Variants in LONP1 observed in about 807,000 individuals in gnomAD.
LONP1 encodes lon peptidase 1, mitochondrial, also known as lon protease homolog, mitochondrial.
A neutral mutation model predicts 98.5 loss-of-function variants in LONP1; 31 were observed. The ratio of observed to expected loss-of-function variants is 0.31; its 90% CI spans 0.24 to 0.42. The LOEUF (loss-of-function observed/expected upper bound fraction) is 0.42, where lower values mean the gene tolerates loss of function less well. Among genes scored for constraint, LONP1 ranks in the 20% least tolerant of loss-of-function variants. The pLI is 1.00. For missense variants in LONP1, 1,336 were observed against 1,350.6 expected, an observed-to-expected ratio of 0.99 and a Z score of 0.17; for synonymous variants, 781 against 594.7, an observed-to-expected ratio of 1.31 and a Z score of -4.56.
chr19:5,714,539 A>G (rs1041792150), intron 1 of LONP1, among the ~76,000 whole-genome samples: 2 of 150,702 alleles, frequency 1.3e-5, no homozygotes. Flanking sequence ...TCCTGACCTC[A>G]GGTGATCCAC....
chr19:5,693,898 G>C, intron 15 of LONP1, 129 bp from the exon 16 acceptor site: 2 of 762,536 alleles, frequency 2.6e-6, no homozygotes, highest in South Asian at 1.7e-5. Flanking sequence ...GCAGGGGTTG[G>C]TGTCCCATCG....
rs529669635 is a variant in LONP1, at chr19:5,716,577, GA to G, written c.430-2307del. On this transcript the variant is annotated intron_variant, in intron 1 of 17. Transcript: ENST00000360614. ...ATAATTTTTTTTTTTTCTGTTCCCA[GA>G]AAAAAAAAAGTCAGTAACATCTGAC... 1.5e-4 allele frequency among the ~76,000 whole-genome samples: 21 copies of G among 140,938 alleles called. No homozygotes were observed. The South Asian group carries it at 2.0e-3, about 13-fold the overall frequency. The allele number at this position is 140,938 out of a possible 152,430, so 92.5% of individuals were successfully genotyped here. A position where few individuals can be genotyped will look rare whatever the true frequency, so the allele number is the denominator to read the frequency against.
intron 13 of LONP1, 120 bp from the exon 14 acceptor site, chr19:5,695,021 G>C: frequency 8.1e-7 from 1 of 1,234,092 alleles, no homozygotes; most frequent in East Asian, 2.5e-5. Flanking sequence ...CGAGGTCCCT[G>C]ATGGTGAAAC....
intron 3 of LONP1, 145 bp downstream of exon 3, chr19:5,712,988 AC>A: frequency 9.2e-7 from 1 of 1,092,358 alleles, no homozygotes. Context: ...TCTCACTCTC[AC>A]CCCCAGCTCT....
chr19:5,693,776 CAG>C lies in LONP1; in HGVS notation c.2321-9_2321-8del. ...ACAAACAGCGTGGAGCCTCCTGAAA[CAG>C]GTGTGGAGCTGTGAACACGGGAGGC... On this transcript the variant is annotated splice_polypyrimidine_tract_variant and splice_region_variant and intron_variant, in intron 15 of 17. Transcript: ENST00000360614. 1 of 1,612,270 alleles carries C rather than the reference CAG, an allele frequency of 6.2e-7. No homozygotes were observed. The highest frequency in any genetic ancestry group is 1.3e-5 in the African/African-American group (1 of 74,990).
Position 5,694,683 on chromosome 19 carries a change from G to A in LONP1, c.2154+78C>T, listed in dbSNP as rs557728713. 14 of 1,568,490 alleles carry A rather than the reference G, an allele frequency of 8.9e-6. No homozygotes were observed. The South Asian group carries it at 1.0e-4, about 12-fold the overall frequency. ...GATGGGCGCAGGAAAGTGGGATGAT[G>A]GGCATGGAAAGGTGGGGTGATCAGC... On this transcript the variant is annotated intron_variant, in intron 14 of 17. Transcript: ENST00000360614.
chr19:5,702,212 A>C (rs1660338795), intron 8 of LONP1, among the ~76,000 whole-genome samples: 1 of 146,186 alleles, frequency 6.8e-6, no homozygotes, highest in Admixed American at 6.8e-5. Context: ...AGTGGGGGTC[A>C]GCCCCCCGCC....
Position 5,700,728 on chromosome 19 carries a change from CAA to C in LONP1, c.1506+59_1506+60del. 3.7e-6 allele frequency: 6 copies of C among 1,601,134 alleles called. No individual in the cohort carries two copies. In the South Asian group the frequency reaches 5.6e-5, roughly 15 times the overall value. On this transcript the variant is annotated intron_variant, in intron 9 of 17. Transcript: ENST00000360614. ...CTTTGAAATCTCAACCCACAGCACACAAGAGTCCTGGGCCCGGGCACCCACAT... is the reference window on the plus strand; with the variant it reads ...CTTTGAAATCTCAACCCACAGCACACGAGTCCTGGGCCCGGGCACCCACAT...
chr19:5,716,032 C>T (rs1337935596), intron 1 of LONP1, among the ~76,000 whole-genome samples: 1 of 151,584 alleles, frequency 6.6e-6, no homozygotes, highest in Non-Finnish European at 1.5e-5. Context: ...CACCTGATTT[C>T]TTTCAAGCCT....
intron 9 of LONP1, 61 bp downstream of exon 9, chr19:5,700,728 C>T (rs949756705): frequency 1.2e-6 from 2 of 1,601,134 alleles, no homozygotes; most frequent in East Asian, 4.5e-5. Context: ...CCACAGCACA[C>T]AAGAGTCCTG....
In LONP1 at chr19:5,702,255, G is replaced by C. The variant is rs1406362443; in HGVS notation, c.1368-1328C>G. Among the ~76,000 whole-genome samples the C allele has an allele frequency of 8.0e-5, 11 of 138,264 alleles. No homozygotes were observed. The South Asian group carries it at 9.1e-4, about 11-fold the overall frequency. The allele number at this position is 138,264 out of a possible 152,430, so 90.7% of individuals were successfully genotyped here. On this transcript the variant is annotated intron_variant, in intron 8 of 17. Transcript: ENST00000360614. ...CCGCCCCGTCTGGGAGGGAGGTTGG[G>C]GGGGGGGTCAGCCCCCCACCAGGCC...
At position 5,707,742 on chromosome 19, in the gene LONP1, G is replaced by A. The variant is rs778209635; in HGVS notation, c.1017C>T (p.Thr339=). The A allele has an allele frequency of 2.4e-5, 38 of 1,613,252 alleles. No individual in the cohort carries two copies. The East Asian group carries it at 2.7e-4, about 11-fold the overall frequency. The part of the protein sequence containing the change: ...IYLSDMGAAL[T]GAESHELQDV... ...CCTGCAGCTCATGGGACTCGGCCCC[G>A]GTGAGCGCGGCGCCCATGTCGCTCA... is the stretch of plus-strand genomic sequence containing the variant. Residue 339 remains threonine (T), a synonymous_variant, in exon 6 of 18, where the codon ACC becomes ACT. Transcript: ENST00000360614.
chr19:5,707,663 G>A lies in LONP1; in HGVS notation c.1062+34C>T, dbSNP rs568505080. On this transcript the variant is annotated intron_variant, in intron 6 of 17. Coordinates refer to ENST00000360614, the MANE Select transcript of LONP1 (RefSeq NM_004793.4). ...GCATAGTGGAGGTGGGGTGCAGCCA[G>A]GCGTGGGGGGCTGTGGAGGTGACGA... is the stretch of plus-strand genomic sequence containing the variant. The A allele has an allele frequency of 7.9e-5, 126 of 1,591,192 alleles. 3 individuals are homozygous for A. In the South Asian group the frequency reaches 1.3e-3, roughly 17 times the overall value.
intron 8 of LONP1, 141 bp downstream of exon 8, chr19:5,705,631 T>TA (rs2055132485): frequency 3.1e-6 from 2 of 652,242 alleles, no homozygotes; most frequent in Admixed American, 2.5e-5. Context: ...ACAGGGCTGA[T>TA]ACTCGCTGGA....
At chr19:5,713,592 G>C (rs546524672) in intron 2 of LONP1, among the ~76,000 whole-genome samples, 1 of 151,984 alleles carries the variant, frequency 6.6e-6, no homozygotes, top group Non-Finnish European at 1.5e-5. Context: ...ATGGAGTTTC[G>C]CTCTTGTTGC....
chr19:5,707,664 G>C (rs1568323174), intron 6 of LONP1, 33 bp downstream of exon 6: 2 of 1,591,432 alleles, frequency 1.3e-6, no homozygotes, highest in East Asian at 4.5e-5. Context: ...GTGCAGCCAG[G>C]CGTGGGGGGC....
chr19:5,719,612 T>C lies in LONP1; in HGVS notation c.429+92A>G, dbSNP rs1454453409. ...CGAGAAACTTCATGTCTGAAAAAGT[T>C]GCGAAACACAAGGGCGCTCAAGTGA... On this transcript the variant is annotated intron_variant, in intron 1 of 17. Coordinates refer to ENST00000360614, the MANE Select transcript of LONP1 (RefSeq NM_004793.4). 5 of 1,591,974 alleles carry C rather than the reference T, an allele frequency of 3.1e-6. No individual in the cohort carries two copies. The East Asian group carries it at 1.1e-4, about 36-fold the overall frequency.
Position 5,714,310 on chromosome 19 carries a change from A to ATTTTTT in LONP1, c.430-45_430-40dup, listed in dbSNP as rs769200423. On this transcript the variant is annotated intron_variant, in intron 1 of 17. Transcript: ENST00000360614. ...GACCCCAAAGTGAAATGCAGAGTAG[A>ATTTTTT]TTTTTTTTTTGAGACAGAGTCTCAT... 5.3e-5 allele frequency: 72 copies of ATTTTTT among 1,360,344 alleles called. 1 individual carries two copies. Among genetic ancestry groups the ATTTTTT allele is most frequent in the Admixed American group, 2.3e-4 (12 of 52,382 alleles). The allele number at this position is 1,360,344 out of a possible 1,614,324, so 84.3% of individuals were successfully genotyped here. A position where few individuals can be genotyped will look rare whatever the true frequency, so the allele number is the denominator to read the frequency against.
rs79241408 is a variant in LONP1 at position 5,719,985 on chromosome 19, G to A, written c.148C>T (p.Pro50Ser). The change falls in exon 1 of 18, where the codon CCT becomes TCT. Residue 50 changes from proline to serine, a missense_variant. Physicochemically the swap from Pro to Ser is moderately conservative, Grantham distance 74. This residue lies in a region of LONP1 where 457 missense variants were observed against 403.1 expected (regional missense o/e 1.13). Transcript: ENST00000360614. ...LRGQRTCDASPPWALWGRGPA... is the reference protein window; with the variant it reads ...LRGQRTCDASSPWALWGRGPA... Reference sequence around the variant, plus strand: ...CCTCGGCCCCACAGTGCCCAAGGAGGAGAGGCGTCGCAGGTCCGCTGGCCT... The same window carrying A: ...CCTCGGCCCCACAGTGCCCAAGGAGAAGAGGCGTCGCAGGTCCGCTGGCCT... 117 of 1,582,894 alleles carry A rather than the reference G, an allele frequency of 7.4e-5. No individual in the cohort carries two copies. In the African/African-American group the frequency reaches 1.3e-3, roughly 18 times the overall value.
Sources: allele counts gnomAD v4.1 joint callset (sites outside exome capture counted in the v4.1 genomes callset), GRCh38; gene constraint gnomAD v4.1.1; regional missense constraint gnomAD v4.1.1; transcripts MANE v1.5; gene names NCBI Gene and HGNC (gene_info 2026-07-23, HGNC 2026-07-21).